The following TCF7L1 variants were observed in gnomAD, a reference collection of about 807,000 sequenced individuals.
TCF7L1 encodes the protein transcription factor 7 like 1, also known as transcription factor 7-like 1.
In TCF7L1, 18 loss-of-function variants were observed where a neutral mutation model predicts 63.7. That is an observed-to-expected ratio of 0.28 (90% CI 0.20 to 0.42). The LOEUF (loss-of-function observed/expected upper bound fraction) is 0.42. Among genes scored for constraint, TCF7L1 ranks in the 10% least tolerant of loss-of-function variants. The probability of loss-of-function intolerance (pLI) is 1.00; values close to 1 mark genes in which losing one functional copy is unlikely to be tolerated. For synonymous variants in TCF7L1, 355 were observed against 340.9 expected (o/e 1.04, Z -0.46); for missense variants, 654 against 779.3 (o/e 0.84, Z 1.91).
chr2:85,233,308 A>G (rs1166165423), intron 3 of TCF7L1, among the ~76,000 whole-genome samples: 1 of 131,318 alleles, frequency 7.6e-6, no homozygotes, highest in Non-Finnish European at 1.5e-5. Context: ...AAAAGGTTAA[A>G]TTCAGAGATT....
At position 85,181,917 on chromosome 2, in the gene TCF7L1, C is replaced by A. The variant is rs78122829; in HGVS notation, c.441+47467C>A. Among the ~76,000 whole-genome samples, 52 of 152,246 alleles carry A rather than the reference C, an allele frequency of 3.4e-4. No individual in the cohort carries two copies. In the East Asian group the frequency reaches 8.5e-3, roughly 25 times the overall value. ...CAAGGCATGCTGAATGCAGCCCCTG[C>A]CACAGGATCCATGTTTCAATAGGGA... On this transcript the variant is annotated intron_variant, in intron 3 of 11. Transcript: ENST00000282111.
intron 3 of TCF7L1, among the ~76,000 whole-genome samples, chr2:85,246,713 A>G (rs1680473274): frequency 6.6e-6 from 1 of 152,228 alleles, no homozygotes; most frequent in African/African-American, 2.4e-5. Flanking sequence ...AGATGAGCCA[A>G]GTGCTCAGCA....
rs1419852887 is a variant in TCF7L1, at chr2:85,134,118, C to T, written c.313+39C>T. ...GGGACAGCCCCCCACTCTCGATTCC[C>T]GCTGCGCTCCGCTGCTCAGCCCGGG... On this transcript the variant is annotated intron_variant, in intron 2 of 11. Coordinates refer to ENST00000282111, the MANE Select transcript of TCF7L1 (RefSeq NM_031283.3). The surrounding 1 kb of genome is among the most constrained non-coding windows in gnomAD (Gnocchi z 5.0). 2 of 1,599,868 alleles carry T rather than the reference C, an allele frequency of 1.3e-6. No homozygotes were observed. The highest frequency in any genetic ancestry group is 1.1e-5 in the South Asian group (1 of 89,174).
At chr2:85,193,984 C>A (rs1231763482) in intron 3 of TCF7L1, among the ~76,000 whole-genome samples, 1 of 151,260 alleles carries the variant, frequency 6.6e-6, no homozygotes, top group East Asian at 1.9e-4. Context: ...AAAAAAGGCC[C>A]TCCTGTGGCT....
At chr2:85,246,428 C>T (rs976654277) in intron 3 of TCF7L1, among the ~76,000 whole-genome samples, 1 of 152,246 alleles carries the variant, frequency 6.6e-6, no homozygotes, top group African/African-American at 2.4e-5. Context: ...CACAGCTCCA[C>T]CCACATATTC....
intron 3 of TCF7L1, among the ~76,000 whole-genome samples, chr2:85,166,380 T>C (rs1678418766): frequency 6.6e-6 from 1 of 152,054 alleles, no homozygotes; most frequent in South Asian, 2.1e-4. Flanking sequence ...AGGAATAATG[T>C]GAGTGAGGGG....
chr2:85,299,912 C>T (rs1003576631), intron 4 of TCF7L1, among the ~76,000 whole-genome samples: 1 of 151,364 alleles, frequency 6.6e-6, no homozygotes, highest in Non-Finnish European at 1.5e-5. Flanking sequence ...CACTGATGCC[C>T]AGAAAGGCTT....
chr2:85,206,254 C>G (rs1679407018), intron 3 of TCF7L1, among the ~76,000 whole-genome samples: 2 of 152,232 alleles, frequency 1.3e-5, no homozygotes, highest in Non-Finnish European at 2.9e-5. Context: ...CACCACTGAC[C>G]TTGCCTTGTT....
chr2:85,168,503 G>A lies in TCF7L1; in HGVS notation c.441+34053G>A, dbSNP rs114694630. Among the ~76,000 whole-genome samples, 1,080 of 152,248 alleles carry A rather than the reference G, an allele frequency of 7.1e-3. 16 individuals are homozygous for A. Among genetic ancestry groups the A allele is most frequent in the South Asian group, 0.037 (179 of 4,824 alleles). ...CACCTCAGGTGGTGTGGGGGTGTCGGGGAGTCATGGAGCTGGGTGCTGCCG... is the reference window on the plus strand; with the variant it reads ...CACCTCAGGTGGTGTGGGGGTGTCGAGGAGTCATGGAGCTGGGTGCTGCCG... On this transcript the variant is annotated intron_variant, in intron 3 of 11. Coordinates refer to ENST00000282111, the MANE Select transcript of TCF7L1 (RefSeq NM_031283.3).
intron 3 of TCF7L1, among the ~76,000 whole-genome samples, chr2:85,214,616 A>G (rs1313391687): frequency 2.0e-5 from 3 of 152,220 alleles, no homozygotes; most frequent in Non-Finnish European, 2.9e-5. Flanking sequence ...GGGACAGGAT[A>G]TGCAAGAACC....
In TCF7L1 at chr2:85,306,863, A is replaced by G. The variant is rs1169800482; in HGVS notation, c.1257+304A>G. ...GTATTTTTAGTAGAGACGGGGTTTC[A>G]CTGTGTTAACCAGGATGGTCTCGAG... On this transcript the variant is annotated intron_variant, in intron 10 of 11. Transcript: ENST00000282111. This position sits in a 1 kb window ranked among gnomAD's most constrained non-coding sequence, Gnocchi z 4.3. Among the ~76,000 whole-genome samples, 4 of 151,782 alleles carry G rather than the reference A, an allele frequency of 2.6e-5. No individual in the cohort carries two copies. Among genetic ancestry groups the G allele is most frequent in the African/African-American group, 7.3e-5 (3 of 41,204 alleles).
chr2:85,187,553 T>A (rs1376475862), intron 3 of TCF7L1, among the ~76,000 whole-genome samples: 1 of 152,212 alleles, frequency 6.6e-6, no homozygotes, highest in Non-Finnish European at 1.5e-5. Flanking sequence ...TTTTTCCCCC[T>A]CCTGTAGATG....
chr2:85,236,542 G>A (rs978203094), intron 3 of TCF7L1, among the ~76,000 whole-genome samples: 2 of 152,186 alleles, frequency 1.3e-5, no homozygotes, highest in African/African-American at 4.8e-5. Context: ...GAATTTTCAA[G>A]AGAAAGGTGA....
chr2:85,194,300 G>A (rs112700667), intron 3 of TCF7L1, among the ~76,000 whole-genome samples: 5,939 of 152,198 alleles, frequency 0.039, 402 homozygotes, highest in African/African-American at 0.14. Flanking sequence ...AGGCCAAGGC[G>A]GGTGGATTAC....
chr2:85,148,281 C>G (rs1382813472), intron 3 of TCF7L1, among the ~76,000 whole-genome samples: 1 of 152,030 alleles, frequency 6.6e-6, no homozygotes, highest in Non-Finnish European at 1.5e-5. Context: ...TTGGACCTTG[C>G]ATGGAAAGAG....
intron 3 of TCF7L1, among the ~76,000 whole-genome samples, chr2:85,199,725 ATTTT>A (rs560329428): frequency 6.6e-6 from 1 of 152,168 alleles, no homozygotes; most frequent in African/African-American, 2.4e-5. Context: ...ATACAAGATA[ATTTT>A]TTTATTTCTC....
At chr2:85,165,053 C>T (rs1382402134) in intron 3 of TCF7L1, among the ~76,000 whole-genome samples, 1 of 152,182 alleles carries the variant, frequency 6.6e-6, no homozygotes, top group Non-Finnish European at 1.5e-5. Context: ...TAGCATCATT[C>T]TGTGGAGGCC....
chr2:85,196,551 T>G (rs76897977), intron 3 of TCF7L1, among the ~76,000 whole-genome samples: 1 of 150,982 alleles, frequency 6.6e-6, no homozygotes, highest in African/African-American at 2.4e-5. Context: ...TTTTTTTTTT[T>G]AAGAGACAGG....
intron 3 of TCF7L1, among the ~76,000 whole-genome samples, chr2:85,194,589 G>T (rs1679112854): frequency 6.6e-6 from 1 of 152,200 alleles, no homozygotes; most frequent in Non-Finnish European, 1.5e-5. Flanking sequence ...ATCTTCTGAG[G>T]ATGATGGGGA....
Sources: allele counts gnomAD v4.1 joint callset (sites outside exome capture counted in the v4.1 genomes callset), GRCh38; gene constraint gnomAD v4.1.1; non-coding constraint Gnocchi (gnomAD v3.1); transcripts MANE v1.5; gene names NCBI Gene and HGNC (gene_info 2026-07-23, HGNC 2026-07-21).